Variants in TENM3 observed in about 807,000 individuals in gnomAD.
TENM3 encodes teneurin-3.
A neutral mutation model predicts 255.1 loss-of-function variants in TENM3; 63 were observed. That is an observed-to-expected ratio of 0.25 (90% CI 0.20 to 0.30). The LOEUF is 0.30. TENM3 is among the 10% of genes least tolerant of loss of function. The pLI, the probability that TENM3 is intolerant of heterozygous loss-of-function variation, is 1.00. For synonymous variants in TENM3, 1,306 were observed against 1,322.3 expected, an observed-to-expected ratio of 0.99 and a Z score of 0.27; for missense variants, 2,929 against 3,461.1, an observed-to-expected ratio of 0.85 and a Z score of 3.86.
the TENM3 span, among the ~76,000 whole-genome samples, chr4:181,756,728 A>G: frequency 6.6e-6 from 1 of 152,336 alleles, no homozygotes; most frequent in South Asian, 2.1e-4. Flanking sequence ...CAGCCTGACT[A>G]CTGACATGCT....
the TENM3 span, among the ~76,000 whole-genome samples, chr4:181,547,813 T>A: frequency 1.2e-4 from 18 of 152,246 alleles, no homozygotes; most frequent in East Asian, 3.5e-3. Context: ...TATTTTTTCT[T>A]TTTTTTATTA....
chr4:182,119,466 T>TC, the TENM3 span, among the ~76,000 whole-genome samples: 9,260 of 152,160 alleles, frequency 0.061, 505 homozygotes, highest in East Asian at 0.3. Context: ...TGGCACTGGT[T>TC]CCAGCAGAGG....
intron 1 of TENM3, among the ~76,000 whole-genome samples, chr4:182,147,143 T>C (rs574993096): frequency 2.0e-5 from 3 of 152,238 alleles, no homozygotes; most frequent in Non-Finnish European, 4.4e-5. Flanking sequence ...GCTTTGCTTC[T>C]GGGAGCCAAG....
At position 182,271,928 on chromosome 4, in the gene TENM3, C is replaced by T. The variant is rs113222172; in HGVS notation, c.-76+28452C>T. Among the ~76,000 whole-genome samples the T allele has an allele frequency of 2.0e-3, 304 of 152,316 alleles. 4 individuals carry two copies. The South Asian group carries it at 0.03, about 15-fold the overall frequency. On this transcript the variant is annotated intron_variant, in intron 1 of 27. Transcript: ENST00000511685. ...AGCAGGGATTTGCCAGGTGACTTCA[C>T]GGAGGGTGTGTGAACAGGCGGCAGC...
the TENM3 span, among the ~76,000 whole-genome samples, chr4:181,754,205 TAAAAG>T: frequency 6.6e-6 from 1 of 151,040 alleles, no homozygotes; most frequent in Non-Finnish European, 1.5e-5. Context: ...TTTAACAAAA[TAAAAG>T]AAAGAACAAT....
intron 1 of TENM3, among the ~76,000 whole-genome samples, chr4:182,278,718 C>A (rs146734099): frequency 6.6e-6 from 1 of 151,406 alleles, no homozygotes; most frequent in South Asian, 2.1e-4. Context: ...TGTGACATTT[C>A]GTGATTTGAT....
intron 1 of TENM3, among the ~76,000 whole-genome samples, chr4:182,246,020 T>C (rs992616020): frequency 7.9e-5 from 12 of 152,156 alleles, no homozygotes; most frequent in African/African-American, 2.9e-4. Flanking sequence ...ACTCCCTGGC[T>C]CTGCAAGTCA....
At chr4:181,642,857 G>A in the TENM3 span, among the ~76,000 whole-genome samples, 1 of 152,060 alleles carries the variant, frequency 6.6e-6, no homozygotes, top group African/African-American at 2.4e-5. Context: ...CTGTTCCATT[G>A]GTCTATATCT....
intron 3 of TENM3, among the ~76,000 whole-genome samples, chr4:182,549,880 G>A (rs188576123): frequency 2.0e-5 from 3 of 152,256 alleles, no homozygotes; most frequent in Admixed American, 2.0e-4. Flanking sequence ...TTTTAATTTA[G>A]TCTGACTATA....
intron 3 of TENM3, among the ~76,000 whole-genome samples, chr4:182,475,738 T>C: frequency 6.6e-6 from 1 of 152,232 alleles, no homozygotes; most frequent in East Asian, 1.9e-4. Context: ...CACTGACTAA[T>C]TCATCAGACA....
the TENM3 span, among the ~76,000 whole-genome samples, chr4:181,885,138 T>C: frequency 6.6e-6 from 1 of 152,322 alleles, no homozygotes; most frequent in Non-Finnish European, 1.5e-5. Context: ...GTATCTATTT[T>C]CCCCTTGTTC....
chr4:182,676,800 G>A (rs961456540), intron 7 of TENM3, among the ~76,000 whole-genome samples: 4 of 152,150 alleles, frequency 2.6e-5, no homozygotes, highest in Admixed American at 1.3e-4. Flanking sequence ...TTTTTAAAGC[G>A]TGTATATTTG....
intron 3 of TENM3, among the ~76,000 whole-genome samples, chr4:182,347,647 A>G (rs1159720719): frequency 2.0e-5 from 3 of 151,638 alleles, no homozygotes; most frequent in African/African-American, 4.8e-5. Flanking sequence ...TTTTTTTCCT[A>G]TTGCCAATGC....
chr4:182,438,092 G>A (rs147891509), intron 3 of TENM3, among the ~76,000 whole-genome samples: 1 of 152,140 alleles, frequency 6.6e-6, no homozygotes, highest in Non-Finnish European at 1.5e-5. Flanking sequence ...ATGAGACCCA[G>A]ATAACTTAAG....
At chr4:182,669,956 CT>C (rs1755062125) in intron 6 of TENM3, among the ~76,000 whole-genome samples, 2 of 152,140 alleles carry the variant, frequency 1.3e-5, no homozygotes, top group Admixed American at 6.5e-5. Flanking sequence ...CCATTTCTCT[CT>C]CCCCTGAATC....
chr4:182,302,929 C>T (rs2150377052), intron 1 of TENM3, among the ~76,000 whole-genome samples: 1 of 152,326 alleles, frequency 6.6e-6, no homozygotes, highest in South Asian at 2.1e-4. Context: ...TTAAGCACCT[C>T]TTCACAGTGT....
upstream of TENM3, chr4:182,142,912 A>T (rs550024594): frequency 3.0e-5 from 5 of 167,114 alleles, no homozygotes; most frequent in Admixed American, 6.5e-5. Context: ...GGTTCGGCTC[A>T]GGTCGCCCAT....
the TENM3 span, among the ~76,000 whole-genome samples, chr4:181,691,638 T>G: frequency 1.3e-5 from 2 of 152,142 alleles, no homozygotes; most frequent in Non-Finnish European, 2.9e-5. Context: ...GTCAAAATTC[T>G]TGTAAGAAAA....
the TENM3 span, among the ~76,000 whole-genome samples, chr4:181,849,665 T>C: frequency 1.3e-5 from 2 of 152,196 alleles, no homozygotes; most frequent in Non-Finnish European, 2.9e-5. Flanking sequence ...ATCCTTCAAG[T>C]TGATGTATGT....
Sources: gnomAD v4.1 joint callset for allele counts (sites outside exome capture counted in the v4.1 genomes callset) on GRCh38, gnomAD v4.1.1 for gene constraint, MANE v1.5 for transcripts, NCBI Gene and HGNC (gene_info 2026-07-23, HGNC 2026-07-21) for gene names.